Variants in CUX1 observed in about 807,000 individuals in gnomAD.
CUX1 encodes the protein protein CASP.
In CUX1, 31 loss-of-function variants were observed where a neutral mutation model predicts 158.8. That is an observed-to-expected ratio of 0.20 (90% CI 0.15 to 0.26). The LOEUF (loss-of-function observed/expected upper bound fraction) is 0.26. Ranked by LOEUF, CUX1 falls within the 10% of genes least tolerant of loss-of-function variation. CUX1 has a pLI of 1.00. For synonymous variants in CUX1, 879 were observed against 862.1 expected (o/e 1.02, Z -0.34); for missense variants, 1,589 against 2,014.6 (o/e 0.79, Z 4.04).
rs549961064 is a variant in CUX1 at position 101,968,006 on chromosome 7, C to T, written c.141+51781C>T. ...GCAGCCTCAACCTCCTGGGTTCAAGCAGCTCCCCCTGCCTCAGCCTCCCAA... is the reference window on the plus strand; with the variant it reads ...GCAGCCTCAACCTCCTGGGTTCAAGTAGCTCCCCCTGCCTCAGCCTCCCAA... On this transcript the variant is annotated intron_variant, in intron 2 of 23. Transcript: ENST00000292535. Among the ~76,000 whole-genome samples, 3 of 152,148 alleles carry T rather than the reference C, an allele frequency of 2.0e-5. No individual in the cohort carries two copies. In the South Asian group the frequency reaches 6.2e-4, roughly 32 times the overall value.
Position 102,254,709 on chromosome 7 carries a change from G to A in CUX1, c.*5667G>A, listed in dbSNP as rs1211734653. ...TTTCACCTGGGCATCGACGACATTA[G>A]GGAAGCCTTTGTGACCACAAGGGCA... On this transcript the variant is annotated 3_prime_UTR_variant, in exon 24 of 24. Coordinates refer to ENST00000292535, the MANE Select transcript of CUX1 (RefSeq NM_181552.4). 1.0e-6 allele frequency: 1 copy of A among 985,394 alleles called. No individual in the cohort carries two copies. Among genetic ancestry groups the A allele is most frequent in the East Asian group, 1.1e-4 (1 of 8,826 alleles). 61.0% of individuals were successfully genotyped at this position (985,394 alleles called of 1,614,324 possible).
chr7:102,205,168 C>T lies in CUX1; in HGVS notation c.3128C>T (p.Ser1043Leu), dbSNP rs146486358. The change falls in exon 20 of 24, where the codon TCA (serine) becomes TTA (leucine). Residue 1043 changes from serine (S) to leucine (L), a missense_variant and splice_region_variant. By Grantham distance (145) the Ser-to-Leu change is moderately radical. Around this residue, in one of 8 missense-constraint regions of CUX1, gnomAD observed 259 missense variants for 373.8 expected, o/e 0.69. Coordinates refer to ENST00000292535, the MANE Select transcript of CUX1 (RefSeq NM_181552.4). ...CCGCTGCAGCAGGGCTGTGTGAGCT[C>T]AGGTAAGCAGCCAGTTTCTGTTGCT... ...QDPLQQGCVSSESTPKTSASC... is the reference protein window; with the variant it reads ...QDPLQQGCVSLESTPKTSASC... 2.8e-4 allele frequency: 447 copies of T among 1,608,030 alleles called. No individual in the cohort carries two copies. In the East Asian group the frequency reaches 7.3e-3, roughly 26 times the overall value.
At chr7:102,092,785 C>T (rs1003363147) in intron 4 of CUX1, among the ~76,000 whole-genome samples, 3 of 151,646 alleles carry the variant, frequency 2.0e-5, no homozygotes, top group African/African-American at 7.3e-5. Flanking sequence ...TGGTCGTGTG[C>T]GCCTGCAATC....
chr7:102,155,338 G>GT (rs1177803580), intron 8 of CUX1, among the ~76,000 whole-genome samples: 129 of 148,964 alleles, frequency 8.7e-4, no homozygotes, highest in African/African-American at 3.1e-3. Flanking sequence ...GAGCCCAGGA[G>GT]TTTAAGACCA....
chr7:102,225,661 C>A (rs1472264269), intron 20 of CUX1, among the ~76,000 whole-genome samples: 2 of 152,158 alleles, frequency 1.3e-5, no homozygotes, highest in African/African-American at 4.8e-5. Context: ...GCCAGGAGTT[C>A]AGCCTAGGCA....
intron 4 of CUX1, among the ~76,000 whole-genome samples, chr7:102,076,267 C>T (rs1220089696): frequency 6.6e-6 from 1 of 152,084 alleles, no homozygotes; most frequent in African/African-American, 2.4e-5. Flanking sequence ...CACCTGTAAT[C>T]CCAGCTACTT....
chr7:102,108,723 T>C (rs1222497408), intron 6 of CUX1, among the ~76,000 whole-genome samples: 1 of 149,226 alleles, frequency 6.7e-6, no homozygotes, highest in Non-Finnish European at 1.5e-5. Flanking sequence ...AGCTAGAATT[T>C]ACTTCATTCA....
chr7:102,141,108 T>C (rs1176757050), intron 8 of CUX1, among the ~76,000 whole-genome samples: 2 of 151,948 alleles, frequency 1.3e-5, no homozygotes, highest in Non-Finnish European at 2.9e-5. Flanking sequence ...TGGCCCCATC[T>C]GAATTGTTTG....
intron 1 of CUX1, among the ~76,000 whole-genome samples, chr7:101,875,058 A>G (rs1033885070): frequency 6.6e-6 from 1 of 152,182 alleles, no homozygotes; most frequent in African/African-American, 2.4e-5. Flanking sequence ...AGGAGAAATC[A>G]GGCTAACTGG....
At chr7:101,858,171 G>T (rs1395370173) in intron 1 of CUX1, among the ~76,000 whole-genome samples, 1 of 152,086 alleles carries the variant, frequency 6.6e-6, no homozygotes, top group Admixed American at 6.5e-5. Flanking sequence ...CTGAGGAGTA[G>T]GGTTTCTTAC....
intron 12 of CUX1, 134 bp downstream of exon 12, chr7:102,190,005 A>G: frequency 2.2e-6 from 2 of 890,388 alleles, no homozygotes; most frequent in Non-Finnish European, 3.5e-6. Context: ...ATGCAGCCAG[A>G]GTTCTACCAC....
chr7:102,193,687 C>G, intron 12 of CUX1, among the ~76,000 whole-genome samples, 155 bp from the exon 13 acceptor site: 1 of 152,188 alleles, frequency 6.6e-6, no homozygotes, highest in Non-Finnish European at 1.5e-5. Flanking sequence ...TGCCTGTAAT[C>G]CCAGCTACTC....
At chr7:101,842,599 T>C (rs1268429699) in intron 1 of CUX1, among the ~76,000 whole-genome samples, 1 of 152,148 alleles carries the variant, frequency 6.6e-6, no homozygotes, top group Admixed American at 6.5e-5. Context: ...TTGCTCAGGC[T>C]GGTCTTTAAC....
intron 2 of CUX1, among the ~76,000 whole-genome samples, chr7:101,942,044 G>A (rs1807781859): frequency 6.6e-6 from 1 of 152,164 alleles, no homozygotes; most frequent in South Asian, 2.1e-4. Flanking sequence ...TGCATGAGTT[G>A]GGGTAGAAAT....
chr7:101,986,655 C>G (rs142146595), intron 2 of CUX1, among the ~76,000 whole-genome samples: 94 of 152,340 alleles, frequency 6.2e-4, no homozygotes, highest in African/African-American at 2.1e-3. Flanking sequence ...CATGCCCTCC[C>G]TCGGCTTGTC....
chr7:102,225,568 A>G (rs1253834565), intron 20 of CUX1, among the ~76,000 whole-genome samples: 2 of 152,204 alleles, frequency 1.3e-5, no homozygotes, highest in Admixed American at 6.5e-5. Flanking sequence ...AGAAGCAGCA[A>G]GAGTAAGACC....
At chr7:102,104,672 A>G (rs991759183) in intron 6 of CUX1, among the ~76,000 whole-genome samples, 52 of 152,172 alleles carry the variant, frequency 3.4e-4, no homozygotes, top group African/African-American at 1.2e-3. Flanking sequence ...TGGGTGGATC[A>G]TGAGGTCAGG....
chr7:101,833,975 C>T (rs1201344099), intron 1 of CUX1, among the ~76,000 whole-genome samples: 1 of 151,820 alleles, frequency 6.6e-6, no homozygotes, highest in Non-Finnish European at 1.5e-5. Context: ...GGTGCTGGGC[C>T]GGCCCCTCTG....
chr7:101,875,202 A>G (rs933607273), intron 1 of CUX1, among the ~76,000 whole-genome samples: 14 of 152,210 alleles, frequency 9.2e-5, no homozygotes, highest in Non-Finnish European at 1.8e-4. Flanking sequence ...AATCACAGCT[A>G]GGATGCAAAC....
Sources: allele counts gnomAD v4.1 joint callset (sites outside exome capture counted in the v4.1 genomes callset), GRCh38; gene constraint gnomAD v4.1.1; regional missense constraint gnomAD v4.1.1; transcripts MANE v1.5; gene names NCBI Gene and HGNC (gene_info 2026-07-23, HGNC 2026-07-21).